NRG3: variants seen among roughly 807,000 people sequenced by gnomAD.
NRG3 encodes the protein neuregulin 3, also known as pro-neuregulin-3, membrane-bound isoform.
A neutral mutation model predicts 66.9 loss-of-function variants in NRG3; 31 were observed. That is an observed-to-expected ratio of 0.46 (90% CI 0.35 to 0.63). The LOEUF is 0.63. Among genes scored for constraint, NRG3 ranks in the 20% least tolerant of loss-of-function variants. The pLI, the probability that NRG3 is intolerant of heterozygous loss-of-function variation, is 0.00. For missense variants in NRG3, 910 were observed against 878.9 expected, an observed-to-expected ratio of 1.04 and a Z score of -0.45; for synonymous variants, 393 against 359.4, an observed-to-expected ratio of 1.09 and a Z score of -1.06.
chr10:81,990,237 G>A (rs1032331537), intron 1 of NRG3, among the ~76,000 whole-genome samples: 3 of 152,090 alleles, frequency 2.0e-5, no homozygotes, highest in African/African-American at 7.2e-5. Context: ...ATTTATTACT[G>A]TTAGTCATGC....
At chr10:82,538,440 A>G (rs896874776) in intron 2 of NRG3, among the ~76,000 whole-genome samples, 1 of 152,212 alleles carries the variant, frequency 6.6e-6, no homozygotes, top group Non-Finnish European at 1.5e-5. Flanking sequence ...AGTAATTAAG[A>G]CCAGAGTTCT....
intron 3 of NRG3, 61 bp downstream of exon 3, chr10:82,738,711 T>C (rs1406336238): frequency 1.7e-5 from 23 of 1,393,682 alleles, no homozygotes; most frequent in Non-Finnish European, 2.3e-5. Flanking sequence ...TTCTGAGCAA[T>C]GGTTGTTAAC....
At chr10:82,766,929 T>C (rs2059535564) in intron 3 of NRG3, among the ~76,000 whole-genome samples, 1 of 151,036 alleles carries the variant, frequency 6.6e-6, no homozygotes, top group Admixed American at 6.6e-5. Context: ...ACCTTACTCA[T>C]AGGTATATTT....
chr10:82,947,846 A>G (rs12767346), intron 4 of NRG3, among the ~76,000 whole-genome samples: 16,776 of 151,940 alleles, frequency 0.11, 1,262 homozygotes, highest in Non-Finnish European at 0.17. Flanking sequence ...ATATTTTGCA[A>G]TTTTTTCAGA....
intron 2 of NRG3, among the ~76,000 whole-genome samples, chr10:82,640,636 G>A (rs1161628096): frequency 1.3e-5 from 2 of 151,970 alleles, no homozygotes; most frequent in Non-Finnish European, 2.9e-5. Flanking sequence ...GTATTAACTA[G>A]GTGTTTGCAA....
intron 1 of NRG3, among the ~76,000 whole-genome samples, chr10:82,252,884 C>G (rs764222944): frequency 7.9e-5 from 12 of 152,164 alleles, no homozygotes; most frequent in Non-Finnish European, 1.5e-4. Context: ...CTTTCAGCCA[C>G]TAAGCCGTGG....
intron 3 of NRG3, among the ~76,000 whole-genome samples, chr10:82,863,628 CAT>C (rs2064260473): frequency 6.6e-6 from 1 of 152,008 alleles, no homozygotes; most frequent in Admixed American, 6.6e-5. Context: ...AGCTTTTTTT[CAT>C]ATGTTTTTTG....
intron 2 of NRG3, among the ~76,000 whole-genome samples, chr10:82,587,152 A>T (rs1213789180): frequency 6.6e-6 from 1 of 152,168 alleles, no homozygotes; most frequent in African/African-American, 2.4e-5. Context: ...CCAAGATTAC[A>T]TGACCTATAG....
intron 1 of NRG3, among the ~76,000 whole-genome samples, chr10:82,003,027 A>G (rs192731919): frequency 5.9e-4 from 90 of 152,334 alleles, no homozygotes; most frequent in Non-Finnish European, 1.1e-3. Flanking sequence ...CTGGACAAGT[A>G]AAAACATTCC....
intron 1 of NRG3, among the ~76,000 whole-genome samples, chr10:82,121,250 A>G (rs1284341590): frequency 6.6e-6 from 1 of 152,052 alleles, no homozygotes; most frequent in Non-Finnish European, 1.5e-5. Flanking sequence ...ATCTTCTAAC[A>G]TTGGTCCTCA....
chr10:82,175,542 C>G (rs184525767), intron 1 of NRG3, among the ~76,000 whole-genome samples: 107 of 152,164 alleles, frequency 7.0e-4, no homozygotes, highest in Non-Finnish European at 5.6e-4. Flanking sequence ...ACTGTTCTAC[C>G]TGGGAAACTA....
chr10:82,917,847 A>G (rs529538633), intron 4 of NRG3, among the ~76,000 whole-genome samples: 1 of 151,942 alleles, frequency 6.6e-6, no homozygotes, highest in South Asian at 2.1e-4. Flanking sequence ...ATGACTGTAG[A>G]CTAGACTGTT....
intron 1 of NRG3, among the ~76,000 whole-genome samples, chr10:82,079,066 A>T (rs1026830890): frequency 4.0e-5 from 6 of 151,560 alleles, no homozygotes; most frequent in Admixed American, 2.0e-4. Context: ...CTTTATTTTT[A>T]TTTTTTATTT....
At chr10:82,617,114 C>T (rs1473398436) in intron 2 of NRG3, among the ~76,000 whole-genome samples, 2 of 151,980 alleles carry the variant, frequency 1.3e-5, no homozygotes, top group East Asian at 3.9e-4. Flanking sequence ...GCCTATGCAA[C>T]CTTGAAGACC....
intron 1 of NRG3, among the ~76,000 whole-genome samples, chr10:81,900,314 G>A (rs916847867): frequency 4.6e-5 from 5 of 109,592 alleles, no homozygotes; most frequent in South Asian, 3.0e-4. Context: ...GCGCCTGGCC[G>A]GTTTTTAACG....
intron 5 of NRG3, among the ~76,000 whole-genome samples, chr10:82,954,444 A>G (rs917099170): frequency 1.3e-5 from 2 of 151,888 alleles, no homozygotes; most frequent in South Asian, 4.1e-4. Flanking sequence ...ACAATCTTCA[A>G]CATCAGATTC....
intron 1 of NRG3, among the ~76,000 whole-genome samples, chr10:82,047,268 C>T (rs144382499): frequency 0.039 from 5,896 of 151,922 alleles, 206 homozygotes; most frequent in East Asian, 0.14. Context: ...AGATACTCCT[C>T]GAGAAGAGCA....
At chr10:82,682,946 ATTTTTTTTTTTT>A (rs71009814) in intron 2 of NRG3, among the ~76,000 whole-genome samples, 28 of 65,336 alleles carry the variant, frequency 4.3e-4, no homozygotes, top group Admixed American at 1.5e-3. Flanking sequence ...CCATGTCTTA[ATTTTTTTTTTTT>A]TTTTTTTTTT....
intron 1 of NRG3, among the ~76,000 whole-genome samples, chr10:81,945,328 T>G (rs1348966429): frequency 2.6e-5 from 4 of 151,948 alleles, no homozygotes; most frequent in Non-Finnish European, 5.9e-5. Context: ...CTCCTCTTAC[T>G]CCTCCTCCTC....
Sources: allele counts gnomAD v4.1 joint callset (sites outside exome capture counted in the v4.1 genomes callset), GRCh38; gene constraint gnomAD v4.1.1; transcripts MANE v1.5; gene names NCBI Gene and HGNC (gene_info 2026-07-23, HGNC 2026-07-21).